Variants in GRID2 observed in about 807,000 individuals in gnomAD.
GRID2 encodes the protein glutamate ionotropic receptor delta type subunit 2.
In GRID2, 33 loss-of-function variants were observed where a neutral mutation model predicts 114.8. That is an observed-to-expected ratio of 0.29 (90% CI 0.22 to 0.38). The LOEUF (loss-of-function observed/expected upper bound fraction) is 0.38. Among genes scored for constraint, GRID2 ranks in the 10% least tolerant of loss-of-function variants. The probability of loss-of-function intolerance (pLI) is 1.00; values close to 1 mark genes in which losing one functional copy is unlikely to be tolerated. For missense variants in GRID2, 1,184 were observed against 1,257.7 expected (o/e 0.94, Z 0.89); for synonymous variants, 505 against 449.9 (o/e 1.12, Z -1.55).
chr4:93,174,460 G>T (rs1214514876), intron 4 of GRID2, among the ~76,000 whole-genome samples: 1 of 152,066 alleles, frequency 6.6e-6, no homozygotes, highest in African/African-American at 2.4e-5. Flanking sequence ...AATCCATGTA[G>T]TCCAAAGTAG....
At chr4:93,631,086 T>C (rs1282743880) in intron 14 of GRID2, among the ~76,000 whole-genome samples, 1 of 152,162 alleles carries the variant, frequency 6.6e-6, no homozygotes, top group African/African-American at 2.4e-5. Context: ...CTGTCGATTA[T>C]TAGAGCTGAG....
intron 10 of GRID2, among the ~76,000 whole-genome samples, chr4:93,436,753 G>A (rs1400602044): frequency 5.3e-5 from 8 of 152,132 alleles, no homozygotes; most frequent in South Asian, 2.1e-4. Context: ...TTGTGTCACC[G>A]CTTCACTGCT....
chr4:93,727,775 G>A (rs1560949924), intron 14 of GRID2, among the ~76,000 whole-genome samples: 1 of 152,212 alleles, frequency 6.6e-6, no homozygotes, highest in Non-Finnish European at 1.5e-5. Context: ...TATTCACATA[G>A]AGGTGTTTGT....
At position 93,117,308 on chromosome 4, in the gene GRID2, A is replaced by G. The variant is rs115880560; in HGVS notation, c.735+6355A>G. The stretch of plus-strand genomic sequence containing the variant: ...ATTCACCTAGAAAATTCACCTATTT[A>G]TTTAGAAGAGAATCCTATGCTTCTT... On this transcript the variant is annotated intron_variant, in intron 4 of 15. Coordinates refer to ENST00000282020, the MANE Select transcript of GRID2 (RefSeq NM_001510.4). Among the ~76,000 whole-genome samples, 1,456 of 151,992 alleles carry G rather than the reference A, an allele frequency of 9.6e-3. 29 individuals are homozygous for G. Among genetic ancestry groups the G allele is most frequent in the African/African-American group, 0.033 (1,384 of 41,486 alleles).
At chr4:92,559,428 G>A (rs1379460069) in intron 1 of GRID2, among the ~76,000 whole-genome samples, 2 of 152,168 alleles carry the variant, frequency 1.3e-5, no homozygotes, top group Non-Finnish European at 2.9e-5. Flanking sequence ...CTTAGGTTCA[G>A]TATTCCTAAT....
At chr4:92,850,094 A>G (rs1047503571) in intron 2 of GRID2, among the ~76,000 whole-genome samples, 4 of 151,318 alleles carry the variant, frequency 2.6e-5, no homozygotes, top group African/African-American at 9.7e-5. Context: ...CAAATATTCA[A>G]AGTTCACTAA....
chr4:93,147,764 A>G (rs1357493046), intron 4 of GRID2, among the ~76,000 whole-genome samples: 1 of 152,232 alleles, frequency 6.6e-6, no homozygotes, highest in African/African-American at 2.4e-5. Flanking sequence ...TTTCTAAGAC[A>G]TTAAATAAGT....
At position 93,614,866 on chromosome 4, in the gene GRID2, A is replaced by G. The variant is rs1741432944; in HGVS notation, c.2194-11403A>G. Among the ~76,000 whole-genome samples, 3 of 152,234 alleles carry G rather than the reference A, an allele frequency of 2.0e-5. 1 individual carries two copies. The South Asian group carries it at 6.2e-4, about 31-fold the overall frequency. On this transcript the variant is annotated intron_variant, in intron 13 of 15. Transcript: ENST00000282020. The stretch of plus-strand genomic sequence containing the variant: ...CAGATATTAACTGTATTAAATAACA[A>G]CAGCAATAACATGTTCTTTTCTGTC...
At chr4:93,557,335 C>T (rs1229457709) in intron 13 of GRID2, among the ~76,000 whole-genome samples, 2 of 152,166 alleles carry the variant, frequency 1.3e-5, no homozygotes, top group Admixed American at 6.5e-5. Flanking sequence ...GTGCTGTATT[C>T]AGGAGACCCG....
chr4:92,668,021 A>T (rs1433418224), intron 2 of GRID2, among the ~76,000 whole-genome samples: 2 of 151,826 alleles, frequency 1.3e-5, no homozygotes, highest in Non-Finnish European at 2.9e-5. Context: ...GAAAAAGCAG[A>T]AATGCTGTCC....
intron 4 of GRID2, among the ~76,000 whole-genome samples, chr4:93,133,743 C>T (rs1185289885): frequency 6.6e-6 from 1 of 152,036 alleles, no homozygotes; most frequent in Admixed American, 6.6e-5. Flanking sequence ...CAACAGAAAG[C>T]TATGCACGGG....
At chr4:93,246,369 C>T (rs574243515) in intron 8 of GRID2, among the ~76,000 whole-genome samples, 19 of 152,030 alleles carry the variant, frequency 1.2e-4, no homozygotes, top group Admixed American at 3.3e-4. Flanking sequence ...AGGTGGATCA[C>T]GAGGTCAGGA....
At chr4:93,263,760 A>G (rs1362011516) in intron 8 of GRID2, among the ~76,000 whole-genome samples, 2 of 152,092 alleles carry the variant, frequency 1.3e-5, no homozygotes, top group Non-Finnish European at 2.9e-5. Context: ...ATTTGAAAAG[A>G]CATGTCAGAA....
chr4:93,401,991 C>T (rs1047633481), intron 9 of GRID2, among the ~76,000 whole-genome samples: 1 of 145,656 alleles, frequency 6.9e-6, no homozygotes, highest in African/African-American at 2.5e-5. Flanking sequence ...TGTACAAAAA[C>T]AAAAAAAAAG....
intron 2 of GRID2, among the ~76,000 whole-genome samples, chr4:92,755,241 T>C (rs1737655335): frequency 6.6e-6 from 1 of 152,206 alleles, no homozygotes; most frequent in South Asian, 2.1e-4. Flanking sequence ...TTTTGAGATA[T>C]TTAATCTATA....
rs567961526 is a variant in GRID2 at position 92,708,845 on chromosome 4, C to T, written c.244+118559C>T. On this transcript the variant is annotated intron_variant, in intron 2 of 15. Transcript: ENST00000282020. The stretch of plus-strand genomic sequence containing the variant: ...GTAGGCTGACACAGGAGTATCCAGG[C>T]GGCGGAGGTTGCAGTGAGCTGAGAT... 2.0e-4 allele frequency among the ~76,000 whole-genome samples: 31 copies of T among 152,114 alleles called. 1 individual carries two copies. The South Asian group carries it at 6.0e-3, about 30-fold the overall frequency.
At chr4:92,635,521 G>A (rs912231018) in intron 2 of GRID2, among the ~76,000 whole-genome samples, 14 of 151,762 alleles carry the variant, frequency 9.2e-5, no homozygotes, top group African/African-American at 3.4e-4. Context: ...TGAAGTTTGG[G>A]GTTTTAATCT....
At chr4:92,815,255 T>C (rs1017583733) in intron 2 of GRID2, among the ~76,000 whole-genome samples, 1 of 152,158 alleles carries the variant, frequency 6.6e-6, no homozygotes, top group African/African-American at 2.4e-5. Flanking sequence ...TAAAGATAAC[T>C]GTGTTACATA....
chr4:92,802,732 T>C (rs1740236419), intron 2 of GRID2, among the ~76,000 whole-genome samples: 1 of 151,954 alleles, frequency 6.6e-6, no homozygotes, highest in Admixed American at 6.6e-5. Context: ...CTTCTGAGCA[T>C]GTCATACTGT....
Sources: allele counts gnomAD v4.1 joint callset (sites outside exome capture counted in the v4.1 genomes callset), GRCh38; gene constraint gnomAD v4.1.1; transcripts MANE v1.5; gene names NCBI Gene and HGNC (gene_info 2026-07-23, HGNC 2026-07-21).